Variants in CAPZA2 observed in about 807,000 individuals in gnomAD.
CAPZA2 encodes the protein F-actin-capping protein subunit alpha-2.
Under a neutral mutation model 44.0 loss-of-function variants are expected in CAPZA2, and 13 were observed. That is an observed-to-expected ratio of 0.30 (90% CI 0.19 to 0.47). CAPZA2 has a LOEUF of 0.47. Ranked by LOEUF, CAPZA2 falls within the 20% of genes least tolerant of loss-of-function variation. CAPZA2 has a pLI of 1.00. For missense variants in CAPZA2, 244 were observed against 338.6 expected (o/e 0.72, Z 2.19); for synonymous variants, 94 against 108.2 (o/e 0.87, Z 0.81).
rs201208269 is a variant in CAPZA2 at position 116,912,080 on chromosome 7, T to C, written c.597T>C (p.Tyr199=). 3 of 1,612,888 alleles carry C rather than the reference T, an allele frequency of 1.9e-6. No homozygotes were observed. The highest frequency in any genetic ancestry group is 2.7e-5 in the African/African-American group (2 of 75,028). ...TCTTTTTCTAATAGGTTCATTATTA[T>C]GAAGATGGTAATGTTCAGCTAGTGA... is the stretch of plus-strand genomic sequence containing the variant. ...VGILKIQVHY[Y]EDGNVQLVSH... Residue 199 remains tyrosine (Y), a synonymous_variant, in exon 8 of 10, where the codon TAT becomes TAC. Coordinates refer to ENST00000361183, the MANE Select transcript of CAPZA2 (RefSeq NM_006136.3).
chr7:116,876,820 GGA>G (rs1796628388), intron 1 of CAPZA2, among the ~76,000 whole-genome samples: 1 of 152,218 alleles, frequency 6.6e-6, no homozygotes, highest in Non-Finnish European at 1.5e-5. Flanking sequence ...CAGCAGCCCA[GGA>G]GAGAGGAGAC....
intron 1 of CAPZA2, among the ~76,000 whole-genome samples, chr7:116,882,604 C>T (rs1331837249): frequency 6.6e-6 from 1 of 152,094 alleles, no homozygotes; most frequent in Non-Finnish European, 1.5e-5. Flanking sequence ...TCAGGGCTCA[C>T]ATGTATTTTG....
intron 1 of CAPZA2, among the ~76,000 whole-genome samples, chr7:116,883,691 G>T (rs1254276531): frequency 6.6e-6 from 1 of 152,078 alleles, no homozygotes; most frequent in Non-Finnish European, 1.5e-5. Flanking sequence ...AACAGCAAGG[G>T]CAAATAAGTT....
At chr7:116,886,226 A>C (rs1054046596) in intron 1 of CAPZA2, 1 of 154,198 alleles carries the variant, frequency 6.5e-6, no homozygotes, top group African/African-American at 2.4e-5. Context: ...GAGATAGCTA[A>C]AGTAGAGGAG....
chr7:116,884,625 T>C (rs1246439649), intron 1 of CAPZA2, among the ~76,000 whole-genome samples: 2 of 152,202 alleles, frequency 1.3e-5, no homozygotes, highest in Non-Finnish European at 2.9e-5. Flanking sequence ...CTGAGTGATA[T>C]TTCATTGTGT....
At chr7:116,869,775 C>T (rs1415003968) in intron 1 of CAPZA2, among the ~76,000 whole-genome samples, 1 of 152,216 alleles carries the variant, frequency 6.6e-6, no homozygotes, top group Non-Finnish European at 1.5e-5. Context: ...AGTAATTTAG[C>T]GTTCCAGTTG....
chr7:116,915,702 AATATTC>A (rs954034234), intron 8 of CAPZA2: 2 of 154,616 alleles, frequency 1.3e-5, no homozygotes, highest in Admixed American at 1.3e-4. Flanking sequence ...AATATTTAAC[AATATTC>A]AGATAAAGAG....
chr7:116,879,761 G>A (rs1418063332), intron 1 of CAPZA2, among the ~76,000 whole-genome samples: 4 of 152,076 alleles, frequency 2.6e-5, no homozygotes, highest in African/African-American at 9.7e-5. Context: ...GGGGACCCCT[G>A]ATCTACAGAA....
At chr7:116,886,465 A>G (rs1796762939) in intron 1 of CAPZA2, among the ~76,000 whole-genome samples, 1 of 152,206 alleles carries the variant, frequency 6.6e-6, no homozygotes, top group African/African-American at 2.4e-5. Context: ...GCTTAGATAC[A>G]TGTACATGCA....
At chr7:116,865,523 CTTCTGGTT>C (rs1321362021) in intron 1 of CAPZA2, among the ~76,000 whole-genome samples, 1 of 151,990 alleles carries the variant, frequency 6.6e-6, no homozygotes, top group Non-Finnish European at 1.5e-5. Context: ...ATAAGAACCT[CTTCTGGTT>C]TTGTCTCTTC....
At chr7:116,872,646 C>T (rs917131553) in intron 1 of CAPZA2, among the ~76,000 whole-genome samples, 3 of 152,114 alleles carry the variant, frequency 2.0e-5, no homozygotes, top group African/African-American at 4.8e-5. Context: ...TTTTTTCCTC[C>T]GGTTTTACCT....
At chr7:116,890,513 A>AAC in intron 2 of CAPZA2, among the ~76,000 whole-genome samples, 1 of 49,152 alleles carries the variant, frequency 2.0e-5, no homozygotes, top group Non-Finnish European at 3.7e-5. Context: ...TCTACTTAAA[A>AAC]AAAAAAAAAA....
At chr7:116,879,611 A>G (rs775758915) in intron 1 of CAPZA2, among the ~76,000 whole-genome samples, 19 of 152,088 alleles carry the variant, frequency 1.2e-4, no homozygotes, top group Non-Finnish European at 2.1e-4. Flanking sequence ...GTGCATTCCT[A>G]TGAGAATCTC....
chr7:116,868,748 A>C (rs1796513188), intron 1 of CAPZA2, among the ~76,000 whole-genome samples: 1 of 152,230 alleles, frequency 6.6e-6, no homozygotes, highest in South Asian at 2.1e-4. Context: ...AGTTTAAAAA[A>C]AAATTCTTAT....
intron 1 of CAPZA2, among the ~76,000 whole-genome samples, chr7:116,870,709 C>T (rs1173396083): frequency 1.3e-5 from 2 of 152,100 alleles, no homozygotes; most frequent in Non-Finnish European, 2.9e-5. Flanking sequence ...GAGAACCTGG[C>T]TTAAGTGGAC....
chr7:116,874,044 T>C (rs1159484542), intron 1 of CAPZA2: 1 of 152,984 alleles, frequency 6.5e-6, no homozygotes, highest in African/African-American at 2.4e-5. Context: ...CCAAGTATCA[T>C]AGGCCATTAA....
chr7:116,898,265 CTTTT>C (rs529306104), intron 3 of CAPZA2, among the ~76,000 whole-genome samples: 55 of 145,382 alleles, frequency 3.8e-4, no homozygotes, highest in African/African-American at 1.3e-3. Flanking sequence ...AGAATGTAAT[CTTTT>C]TTTTTTTTTA....
chr7:116,908,705 T>C (rs1791548398), intron 6 of CAPZA2, among the ~76,000 whole-genome samples: 1 of 152,174 alleles, frequency 6.6e-6, no homozygotes, highest in African/African-American at 2.4e-5. Flanking sequence ...TTATATATGC[T>C]AAGGACTCAC....
intron 8 of CAPZA2, among the ~76,000 whole-genome samples, chr7:116,913,582 C>T (rs1791624990): frequency 6.6e-6 from 1 of 151,874 alleles, no homozygotes; most frequent in Non-Finnish European, 1.5e-5. Flanking sequence ...CTTGCATATG[C>T]AACTGTTTCC....
Sources: gnomAD v4.1 joint callset for allele counts (sites outside exome capture counted in the v4.1 genomes callset) on GRCh38, gnomAD v4.1.1 for gene constraint, MANE v1.5 for transcripts, NCBI Gene and HGNC (gene_info 2026-07-23, HGNC 2026-07-21) for gene names.